ABHD16A: variants seen among roughly 807,000 people sequenced by gnomAD.
ABHD16A encodes the protein abhydrolase domain containing 16A, phospholipase, also known as phosphatidylserine lipase ABHD16A.
ABHD16A carries 47 observed loss-of-function variants against 89.8 expected under a neutral mutation model. The ratio of observed to expected loss-of-function variants is 0.52; its 90% CI spans 0.41 to 0.67. ABHD16A has a LOEUF of 0.67. Ranked by LOEUF, ABHD16A falls within the 30% of genes least tolerant of loss-of-function variation. ABHD16A has a pLI of 0.00. For missense variants in ABHD16A, 580 were observed against 734.6 expected (o/e 0.79, Z 2.43); for synonymous variants, 251 against 280.4 (o/e 0.90, Z 1.05).
intron 1 of ABHD16A, chr6:31,702,756 C>G (rs1562125772): frequency 1.3e-6 from 2 of 1,515,468 alleles, no homozygotes; most frequent in East Asian, 2.5e-5. Context: ...AAAAACAGAG[C>G]CGGGGGAGGC....
chr6:31,688,926 C>A lies in ABHD16A; in HGVS notation c.1186+89G>T. ...CTTCCAACAATGGGGCGACTTACTC[C>A]CCACCCAAGAAAAGGGAGCCATCTC... is the stretch of plus-strand genomic sequence containing the variant. On this transcript the variant is annotated intron_variant, in intron 13 of 19. Transcript: ENST00000395952. This position sits in a 1 kb window ranked among gnomAD's most constrained non-coding sequence, Gnocchi z 4.9. 1 of 1,433,454 alleles carries A rather than the reference C, an allele frequency of 7.0e-7. No homozygotes were observed. The highest frequency in any genetic ancestry group is 1.2e-5 in the South Asian group (1 of 80,420). The allele number at this position is 1,433,454 out of a possible 1,614,324, so 88.8% of individuals were successfully genotyped here. A position where few individuals can be genotyped will look rare whatever the true frequency, so the allele number is the denominator to read the frequency against.
intron 4 of ABHD16A, among the ~76,000 whole-genome samples, chr6:31,699,408 CAAAAA>C (rs9281558): frequency 1.8e-5 from 1 of 54,266 alleles, no homozygotes; most frequent in Non-Finnish European, 4.0e-5. Context: ...GACTCCGTCT[CAAAAA>C]AAAAAAAAAA....
chr6:31,695,612 A>C (rs1169565692), intron 5 of ABHD16A, among the ~76,000 whole-genome samples: 1 of 152,104 alleles, frequency 6.6e-6, no homozygotes, highest in Non-Finnish European at 1.5e-5. Flanking sequence ...AATCCCAGCT[A>C]CTTGGGAGGC....
chr6:31,689,195 C>A, intron 12 of ABHD16A, 76 bp from the exon 13 acceptor site: 1 of 1,371,804 alleles, frequency 7.3e-7, no homozygotes, highest in Non-Finnish European at 1.0e-6. Context: ...TCTCATCCCA[C>A]TGACCCTATA....
chr6:31,701,528 G>A (rs1035137451), intron 2 of ABHD16A, among the ~76,000 whole-genome samples, 188 bp from the exon 3 acceptor site: 4 of 152,122 alleles, frequency 2.6e-5, no homozygotes, highest in Non-Finnish European at 5.9e-5. Context: ...ATGTAATGGA[G>A]GCTGGGAAAA....
At position 31,702,058 on chromosome 6, in the gene ABHD16A, G is replaced by A; in HGVS notation, c.189+16C>T. ...GTCTGAAAGATGCAGAGTCCCAGAT[G>A]CCAGGGTAGACATACCAGTGCCAGG... On this transcript the variant is annotated intron_variant, in intron 2 of 19. Coordinates refer to ENST00000395952, the MANE Select transcript of ABHD16A (RefSeq NM_021160.3). 6.2e-7 allele frequency: 1 copy of A among 1,613,058 alleles called. No homozygotes were observed. The highest frequency in any genetic ancestry group is 1.7e-5 in the Admixed American group (1 of 60,030).
intron 5 of ABHD16A, among the ~76,000 whole-genome samples, chr6:31,694,387 CT>C (rs1190272819): frequency 0.33 from 25,221 of 76,814 alleles, 2,718 homozygotes; most frequent in Admixed American, 0.38. Context: ...GGAGCTGTGT[CT>C]TTTTTTTTTT....
Position 31,698,630 on chromosome 6 carries a change from C to T in ABHD16A, c.344-1597G>A, listed in dbSNP as rs1372391685. Among the ~76,000 whole-genome samples the T allele has an allele frequency of 1.3e-5, 2 of 151,984 alleles. No homozygotes were observed. Among genetic ancestry groups the T allele is most frequent in the East Asian group, 1.9e-4 (1 of 5,196 alleles). ...CCTCCCAAATAGCTGGGATTACAAGCGCCCGCCACCATGCACAGCTAATTT... is the reference window on the plus strand; with the variant it reads ...CCTCCCAAATAGCTGGGATTACAAGTGCCCGCCACCATGCACAGCTAATTT... On this transcript the variant is annotated intron_variant, in intron 4 of 19. Coordinates refer to ENST00000395952, the MANE Select transcript of ABHD16A (RefSeq NM_021160.3). This position sits in a 1 kb window ranked among gnomAD's most constrained non-coding sequence, Gnocchi z 4.1.
At chr6:31,692,919 A>G (rs745399684) in intron 7 of ABHD16A, 108 bp downstream of exon 7, 2 of 1,456,876 alleles carry the variant, frequency 1.4e-6, no homozygotes, top group Non-Finnish European at 1.9e-6. Context: ...ACCATACAGC[A>G]CTAGGCCCAA....
chr6:31,701,428 A>G (rs1804981970), intron 2 of ABHD16A, 88 bp from the exon 3 acceptor site: 1 of 1,102,478 alleles, frequency 9.1e-7, no homozygotes, highest in African/African-American at 1.5e-5. Context: ...TCTGAGCAAG[A>G]TGGACAACCT....
In ABHD16A at chr6:31,703,231, G is replaced by T; in HGVS notation, c.51C>A (p.Tyr17Ter). ...CVLGPRLYKI[Y>*]RERDSERAPA... Reference sequence around the variant, plus strand: ...GGGCCCTTTCAGAGTCCCTCTCCCGGTAGATTTTGTAGAGCCGGGGGCCTA... The same window carrying T: ...GGGCCCTTTCAGAGTCCCTCTCCCGTTAGATTTTGTAGAGCCGGGGGCCTA... The change falls in exon 1 of 20, where the codon TAC becomes TAA. Residue 17 changes from tyrosine (Y) to a stop codon, truncating the protein, a stop_gained. Transcript: ENST00000395952. LOFTEE classifies it high-confidence loss of function. 1 of 1,437,446 alleles carries T rather than the reference G, an allele frequency of 7.0e-7. No individual in the cohort carries two copies. The highest frequency in any genetic ancestry group is 1.5e-5 in the South Asian group (1 of 68,246). 89.0% of individuals were successfully genotyped at this position (1,437,446 alleles called of 1,614,324 possible). A position where few individuals can be genotyped will look rare whatever the true frequency, so the allele number is the denominator to read the frequency against.
rs144266164 is a variant in ABHD16A, at chr6:31,690,229, A to G, written c.908-102T>C. 1,963 of 1,155,388 alleles carry G rather than the reference A, an allele frequency of 1.7e-3. 6 individuals are homozygous for G. The highest frequency in any genetic ancestry group is 5.1e-3 in the Middle Eastern group (22 of 4,302). 71.6% of individuals were successfully genotyped at this position (1,155,388 alleles called of 1,614,324 possible). On this transcript the variant is annotated intron_variant, in intron 10 of 19. Coordinates refer to ENST00000395952, the MANE Select transcript of ABHD16A (RefSeq NM_021160.3). The surrounding 1 kb of genome is among the most constrained non-coding windows in gnomAD (Gnocchi z 4.1). ...GAAGTACCCCCCAGCTTAGATGCAA[A>G]TAACTCCAAGCCTTCCCAGAAATAG... is the stretch of plus-strand genomic sequence containing the variant.
At position 31,701,318 on chromosome 6, in the gene ABHD16A, G is replaced by C; in HGVS notation, c.212C>G (p.Ser71Cys). The change falls in exon 3 of 20, where the codon TCT (serine) becomes TGT (cysteine). Residue 71 changes from serine (S) to cysteine (C), a missense_variant. Around this residue, in one of 2 missense-constraint regions of ABHD16A, gnomAD observed 165 missense variants for 165.8 expected, o/e 1.00. Coordinates refer to ENST00000395952, the MANE Select transcript of ABHD16A (RefSeq NM_021160.3). ...LALASVFWSI[S>C]YYSSPFAFFY... ...GAAGGCGAAGGGAGAGGAGTAATAA[G>C]AGATGGACCAGAATACTGAAGCCTG... is the stretch of plus-strand genomic sequence containing the variant. 6.2e-7 allele frequency: 1 copy of C among 1,613,542 alleles called. No homozygotes were observed. Among genetic ancestry groups the C allele is most frequent in the Non-Finnish European group, 8.5e-7 (1 of 1,179,776 alleles).
At chr6:31,700,893 C>CCAGTGA in intron 4 of ABHD16A, 49 bp downstream of exon 4, 1 of 1,500,850 alleles carries the variant, frequency 6.7e-7, no homozygotes, top group East Asian at 2.3e-5. Flanking sequence ...TAATTTTTAA[C>CCAGTGA]CAGTGACAGT....
chr6:31,701,264 C>T lies in ABHD16A; in HGVS notation c.256+10G>A. 1 of 1,611,380 alleles carries T rather than the reference C, an allele frequency of 6.2e-7. No homozygotes were observed. The highest frequency in any genetic ancestry group is 8.5e-7 in the Non-Finnish European group (1 of 1,177,796). On this transcript the variant is annotated intron_variant, in intron 3 of 19. Coordinates refer to ENST00000395952, the MANE Select transcript of ABHD16A (RefSeq NM_021160.3). The stretch of plus-strand genomic sequence containing the variant: ...ATTTGCTACCCCACCACCTTTGAAA[C>T]CACACTGACCTTTCCTGTACAAGTA...
chr6:31,690,452 A>G lies in ABHD16A; in HGVS notation c.907+87T>C, dbSNP rs752606968. 21 of 1,409,670 alleles carry G rather than the reference A, an allele frequency of 1.5e-5. No individual in the cohort carries two copies. The highest frequency in any genetic ancestry group is 2.1e-5 in the Non-Finnish European group (21 of 998,654). 87.3% of individuals were successfully genotyped at this position (1,409,670 alleles called of 1,614,324 possible). Reference sequence around the variant, plus strand: ...ACTCAAAACCTCACCCAGAGAAAGCAGAGGCCAGGGGAGGTCAGGTCAGTG... The same window carrying G: ...ACTCAAAACCTCACCCAGAGAAAGCGGAGGCCAGGGGAGGTCAGGTCAGTG... On this transcript the variant is annotated intron_variant, in intron 10 of 19. Coordinates refer to ENST00000395952, the MANE Select transcript of ABHD16A (RefSeq NM_021160.3). This position sits in a 1 kb window ranked among gnomAD's most constrained non-coding sequence, Gnocchi z 4.1.
intron 11 of ABHD16A, 143 bp downstream of exon 11, chr6:31,689,935 G>T: frequency 8.7e-7 from 1 of 1,155,984 alleles, no homozygotes; most frequent in Non-Finnish European, 1.2e-6. Context: ...TCCCAATGCT[G>T]CCTTCACAAC....
At position 31,698,579 on chromosome 6, in the gene ABHD16A, G is replaced by A. The variant is rs984139648; in HGVS notation, c.344-1546C>T. On this transcript the variant is annotated intron_variant, in intron 4 of 19. Transcript: ENST00000395952. This position sits in a 1 kb window ranked among gnomAD's most constrained non-coding sequence, Gnocchi z 4.1. ...CGGCTCACTGCAACCTCCGCCTCCC[G>A]GGTTCAAGTGATTCTCCTGCCACAG... Among the ~76,000 whole-genome samples, 2 of 151,800 alleles carry A rather than the reference G, an allele frequency of 1.3e-5. No homozygotes were observed. The highest frequency in any genetic ancestry group is 6.6e-5 in the Admixed American group (1 of 15,220).
intron 4 of ABHD16A, among the ~76,000 whole-genome samples, chr6:31,699,250 A>T (rs1804669849): frequency 6.6e-6 from 1 of 151,510 alleles, no homozygotes; most frequent in South Asian, 2.1e-4. Context: ...ACTAAAAAAT[A>T]CAAAAAAACC....
Sources: gnomAD v4.1 joint callset for allele counts (sites outside exome capture counted in the v4.1 genomes callset) on GRCh38, gnomAD v4.1.1 for gene constraint, gnomAD v4.1.1 regional missense constraint, Gnocchi (gnomAD v3.1) non-coding constraint, MANE v1.5 for transcripts, NCBI Gene and HGNC (gene_info 2026-07-23, HGNC 2026-07-21) for gene names.